The following NFIA variants were observed in gnomAD, a reference collection of about 807,000 sequenced individuals.
NFIA encodes the protein nuclear factor I A, also known as nuclear factor 1 A-type.
Under a neutral mutation model 62.8 loss-of-function variants are expected in NFIA, and 8 were observed. That is an observed-to-expected ratio of 0.13 (90% CI 0.07 to 0.23). The LOEUF is 0.23. NFIA is among the 10% of genes least tolerant of loss of function. The pLI, the probability that NFIA is intolerant of heterozygous loss-of-function variation, is 1.00. For synonymous variants in NFIA, 235 were observed against 238.1 expected (o/e 0.99, Z 0.12); for missense variants, 410 against 642.1 (o/e 0.64, Z 3.91).
chr1:61,361,830 T>A (rs1663313823), intron 6 of NFIA, among the ~76,000 whole-genome samples: 1 of 149,254 alleles, frequency 6.7e-6, no homozygotes. Context: ...TGTGTGTACG[T>A]ACACATATAT....
chr1:61,081,054 G>C (rs1570103752), upstream of NFIA, among the ~76,000 whole-genome samples: 1 of 152,122 alleles, frequency 6.6e-6, no homozygotes, highest in South Asian at 2.1e-4. Flanking sequence ...CACCTCCACC[G>C]AAGGGCAGAT....
At chr1:61,107,131 CAT>C (rs1484661542) in intron 2 of NFIA, among the ~76,000 whole-genome samples, 1 of 151,452 alleles carries the variant, frequency 6.6e-6, no homozygotes, top group Non-Finnish European at 1.5e-5. Context: ...TGAACTGTAA[CAT>C]GTCTTCTAGA....
chr1:61,181,986 C>G (rs1650790658), intron 2 of NFIA, among the ~76,000 whole-genome samples: 1 of 152,168 alleles, frequency 6.6e-6, no homozygotes, highest in Non-Finnish European at 1.5e-5. Flanking sequence ...AGTGAATGCA[C>G]TTGGGAAAAT....
At chr1:61,219,996 A>G (rs922246695) in intron 2 of NFIA, among the ~76,000 whole-genome samples, 3 of 152,142 alleles carry the variant, frequency 2.0e-5, no homozygotes, top group Admixed American at 1.3e-4. Context: ...TAAATAACGC[A>G]TAATAGCTTC....
chr1:61,227,386 C>G (rs1434777398), intron 2 of NFIA, among the ~76,000 whole-genome samples: 1 of 152,144 alleles, frequency 6.6e-6, no homozygotes, highest in Non-Finnish European at 1.5e-5. Context: ...CAATCTAGGT[C>G]AGGAATCATG....
chr1:61,434,217 G>GA (rs1226117197), intron 10 of NFIA, among the ~76,000 whole-genome samples: 1 of 152,188 alleles, frequency 6.6e-6, no homozygotes, highest in Admixed American at 6.5e-5. Flanking sequence ...AATCTAAAGG[G>GA]AAAGGAGGTA....
intron 2 of NFIA, among the ~76,000 whole-genome samples, chr1:61,096,547 C>CTTTTTTTTTTTTT (rs369305204): frequency 6.2e-5 from 5 of 80,594 alleles, no homozygotes; most frequent in East Asian, 1.0e-3. Flanking sequence ...AAGATTAGTT[C>CTTTTTTTTTTTTT]TTTTTTTTTT....
intron 2 of NFIA, among the ~76,000 whole-genome samples, chr1:61,111,001 TTAAAA>T (rs1444265568): frequency 2.6e-5 from 4 of 152,110 alleles, no homozygotes; most frequent in African/African-American, 9.7e-5. Flanking sequence ...GCATCAAAAA[TTAAAA>T]TAAGTAGAGG....
chr1:61,323,403 A>G (rs1660774500), intron 3 of NFIA, among the ~76,000 whole-genome samples: 1 of 152,250 alleles, frequency 6.6e-6, no homozygotes, highest in Admixed American at 6.5e-5. Flanking sequence ...GTTTACCATA[A>G]GCACACTACC....
rs1649455871 is a variant in NFIA at position 61,164,737 on chromosome 1, G to A, written c.559+76057G>A. 2.6e-5 allele frequency among the ~76,000 whole-genome samples: 4 copies of A among 152,138 alleles called. No homozygotes were observed. The South Asian group carries it at 8.3e-4, about 32-fold the overall frequency. On this transcript the variant is annotated intron_variant, in intron 2 of 10. Transcript: ENST00000403491. ...AGCCTCCCAAAGTGCTGGGATTACA[G>A]GTGTGAGCCACCACGTCCAGCCAAA...
chr1:61,078,714 C>CT (rs1324018408), upstream of NFIA, among the ~76,000 whole-genome samples: 6 of 152,140 alleles, frequency 3.9e-5, no homozygotes, highest in Admixed American at 6.5e-5. Context: ...TTGAATTCTG[C>CT]TTTTTAAGTA....
intron 7 of NFIA, among the ~76,000 whole-genome samples, chr1:61,388,906 G>T (rs1664833448): frequency 6.6e-6 from 1 of 152,066 alleles, no homozygotes; most frequent in Admixed American, 6.6e-5. Context: ...TGAGGCCAGG[G>T]GTTTGAGACC....
intron 3 of NFIA, among the ~76,000 whole-genome samples, chr1:61,285,831 G>A (rs1473030510): frequency 6.6e-6 from 1 of 152,166 alleles, no homozygotes; most frequent in Non-Finnish European, 1.5e-5. Context: ...TAAGGATATT[G>A]TGGCAAGGCT....
At chr1:61,084,571 G>A (rs1646184961) in intron 1 of NFIA, among the ~76,000 whole-genome samples, 1 of 152,094 alleles carries the variant, frequency 6.6e-6, no homozygotes, top group Admixed American at 6.6e-5. Context: ...AATGAATTAC[G>A]GACTATAGTG....
At chr1:61,198,093 G>A (rs137900207) in intron 2 of NFIA, among the ~76,000 whole-genome samples, 1,857 of 152,222 alleles carry the variant, frequency 0.012, 20 homozygotes, top group Middle Eastern at 0.058. Context: ...AAGGAAGAGC[G>A]GATGAAAAAG....
intron 2 of NFIA, among the ~76,000 whole-genome samples, chr1:61,200,265 G>T (rs184944194): frequency 6.6e-6 from 1 of 151,022 alleles, no homozygotes; most frequent in Non-Finnish European, 1.5e-5. Flanking sequence ...TCACTTGACC[G>T]CTCAGTGCCT....
intron 2 of NFIA, among the ~76,000 whole-genome samples, chr1:61,120,832 G>T (rs1163705904): frequency 1.3e-5 from 2 of 152,126 alleles, no homozygotes; most frequent in Admixed American, 6.5e-5. Context: ...AAAGTCAAAA[G>T]AAATTTCTGG....
At chr1:61,099,297 A>G (rs542302270) in intron 2 of NFIA, among the ~76,000 whole-genome samples, 9 of 152,320 alleles carry the variant, frequency 5.9e-5, no homozygotes, top group Admixed American at 3.3e-4. Flanking sequence ...GTTTTGAGAC[A>G]TTAGAATTGG....
intron 2 of NFIA, among the ~76,000 whole-genome samples, chr1:61,231,872 CA>C (rs201132875): frequency 1.2e-4 from 18 of 148,824 alleles, no homozygotes; most frequent in African/African-American, 3.0e-4. Flanking sequence ...ACAACAACAA[CA>C]AAAAAAAACA....
Sources: gnomAD v4.1 joint callset for allele counts (sites outside exome capture counted in the v4.1 genomes callset) on GRCh38, gnomAD v4.1.1 for gene constraint, MANE v1.5 for transcripts, NCBI Gene and HGNC (gene_info 2026-07-23, HGNC 2026-07-21) for gene names.